SEC16A: variants seen among roughly 807,000 people sequenced by gnomAD.
SEC16A encodes SEC16 homolog A, endoplasmic reticulum export factor.
Under a neutral mutation model 221.9 loss-of-function variants are expected in SEC16A, and 110 were observed. The ratio of observed to expected loss-of-function variants is 0.50; its 90% CI spans 0.42 to 0.58. SEC16A has a LOEUF of 0.58. SEC16A is among the 20% of genes least tolerant of loss of function. SEC16A has a pLI of 0.00. For missense variants in SEC16A, 3,165 were observed against 3,097.8 expected (o/e 1.02, Z -0.52); for synonymous variants, 1,393 against 1,257.7 (o/e 1.11, Z -2.28).
intron 28 of SEC16A, among the ~76,000 whole-genome samples, chr9:136,446,081 C>G (rs1167011038): frequency 6.6e-6 from 1 of 150,402 alleles, no homozygotes; most frequent in South Asian, 2.1e-4. Flanking sequence ...CCTGTCCCAC[C>G]GTACAGAGTG....
intron 30 of SEC16A, among the ~76,000 whole-genome samples, chr9:136,444,502 A>G (rs540630170): frequency 1.2e-4 from 18 of 152,320 alleles, no homozygotes; most frequent in Non-Finnish European, 2.5e-4. Flanking sequence ...GGAAAAACCA[A>G]TTTGGAAAGA....
chr9:136,472,953 C>T (rs1158082940), intron 3 of SEC16A, among the ~76,000 whole-genome samples: 2 of 152,256 alleles, frequency 1.3e-5, no homozygotes, highest in Non-Finnish European at 2.9e-5. Flanking sequence ...CACGGCTTCC[C>T]GTCGCTCTGC....
rs1247351337 is a variant in SEC16A at position 136,462,986 on chromosome 9, G to A, written c.4794C>T (p.Ala1598=). The part of the protein sequence containing the change: ...EQVEEEESGE[A]QLSFLTGGPA... ...GACCACCAGTGAGGAAAGAGAGCTGGGCCTCACCAGACTCCTCCTCTTCCA... is the reference window on the plus strand; with the variant it reads ...GACCACCAGTGAGGAAAGAGAGCTGAGCCTCACCAGACTCCTCCTCTTCCA... The change falls in exon 12 of 32, where the codon GCC becomes GCT. Residue 1598 remains alanine, a synonymous_variant. Coordinates refer to ENST00000684901, the MANE Select transcript of SEC16A (RefSeq NM_014866.2). The A allele has an allele frequency of 2.5e-6, 4 of 1,610,040 alleles. No homozygotes were observed. Among genetic ancestry groups the A allele is most frequent in the East Asian group, 4.5e-5 (2 of 44,882 alleles).
chr9:136,479,582 G>A (rs536978192), intron 1 of SEC16A, among the ~76,000 whole-genome samples: 13 of 152,210 alleles, frequency 8.5e-5, no homozygotes, highest in African/African-American at 3.1e-4. Context: ...TTGATCTCCT[G>A]ACCTCATAAT....
intron 21 of SEC16A, 30 bp from the exon 22 acceptor site, chr9:136,453,540 C>T (rs769173862): frequency 3.8e-6 from 6 of 1,580,706 alleles, no homozygotes; most frequent in Non-Finnish European, 3.5e-6. Context: ...CAACTATGAT[C>T]TCAGTCACGA....
At position 136,447,723 on chromosome 9, in the gene SEC16A, G is replaced by C; in HGVS notation, c.6448-43C>G. 4 of 1,568,318 alleles carry C rather than the reference G, an allele frequency of 2.6e-6. No individual in the cohort carries two copies. Among genetic ancestry groups the C allele is most frequent in the Non-Finnish European group, 3.5e-6 (4 of 1,143,614 alleles). ...GCTTCAGACACCCACTGTGTGCACA[G>C]AAACCCACTGGGATGGCACAGTCAG... is the stretch of plus-strand genomic sequence containing the variant. On this transcript the variant is annotated intron_variant, in intron 25 of 31. Transcript: ENST00000684901. This position sits in a 1 kb window ranked among gnomAD's most constrained non-coding sequence, Gnocchi z 5.5.
At chr9:136,483,765 T>G, upstream of SEC16A, 1 of 985,028 alleles carries the variant, frequency 1.0e-6, no homozygotes, top group Non-Finnish European at 1.2e-6. Flanking sequence ...CTCGCATTCT[T>G]CCGTTGGGCT....
In SEC16A at chr9:136,477,069, C is replaced by T. The variant is rs1472654661; in HGVS notation, c.547G>A (p.Asp183Asn). The T allele has an allele frequency of 3.7e-6, 6 of 1,613,780 alleles. No individual in the cohort carries two copies. The highest frequency in any genetic ancestry group is 2.7e-5 in the African/African-American group (2 of 75,028). Residue 183 changes from aspartate (D) to asparagine (N), a missense_variant, in exon 3 of 32, where the codon GAC (aspartate) becomes AAC (asparagine). Physicochemically the swap from Asp to Asn is conservative, Grantham distance 23. Transcript: ENST00000684901. Reference sequence around the variant, plus strand: ...GGGTTTTGCCTGCTCAGGGGTCGGTCGAGCCCAGGCATGTTCCCATGAGGG... The same window carrying T: ...GGGTTTTGCCTGCTCAGGGGTCGGTTGAGCCCAGGCATGTTCCCATGAGGG... ...GHPHGNMPGL[D>N]RPLSRQNPHD...
intron 1 of SEC16A, among the ~76,000 whole-genome samples, 182 bp from the exon 2 acceptor site, chr9:136,479,012 G>A (rs1045650439): frequency 1.3e-5 from 2 of 152,152 alleles, no homozygotes; most frequent in African/African-American, 4.8e-5. Context: ...AACTGGAGCC[G>A]TAACTGTGCC....
Position 136,457,462 on chromosome 9 carries a change from C to G in SEC16A, c.5532G>C (p.Leu1844Phe), listed in dbSNP as rs756447431. 1 of 1,605,526 alleles carries G rather than the reference C, an allele frequency of 6.2e-7. No homozygotes were observed. Among genetic ancestry groups the G allele is most frequent in the Non-Finnish European group, 8.5e-7 (1 of 1,175,610 alleles). ...LTQPHLYSPV[L>F]ISQLVQMASQ... ...GCAGCACCTGCACAAGCTGGCTGAT[C>G]AACACCGGGGAATACAGGTGCGGCT... Residue 1844 changes from leucine (L) to phenylalanine (F), a missense_variant, in exon 18 of 32, where the codon TTG (leucine) becomes TTC (phenylalanine). By Grantham distance (22) the Leu-to-Phe change is conservative. Coordinates refer to ENST00000684901, the MANE Select transcript of SEC16A (RefSeq NM_014866.2).
At chr9:136,451,524 G>T in intron 22 of SEC16A, 116 bp from the exon 23 acceptor site, 2 of 1,213,822 alleles carry the variant, frequency 1.6e-6, no homozygotes, top group African/African-American at 1.5e-5. Flanking sequence ...GAGGCCGGAT[G>T]ACTCTGGTGA....
Position 136,448,525 on chromosome 9 carries a change from G to T in SEC16A, c.6313-364C>A, listed in dbSNP as rs371828357. The T allele has an allele frequency of 1.2e-4, 84 of 714,294 alleles. No homozygotes were observed. The African/African-American group carries it at 1.3e-3, about 11-fold the overall frequency. The allele number at this position is 714,294 out of a possible 1,614,324, so 44.2% of individuals were successfully genotyped here. A position where few individuals can be genotyped will look rare whatever the true frequency, so the allele number is the denominator to read the frequency against. ...TCCACAGAGACACCAGGAGGATGGA[G>T]GTGGGAGCAGATCCACAGAGACGCC... On this transcript the variant is annotated intron_variant, in intron 23 of 31. Transcript: ENST00000684901.
rs1490547190 is a variant in SEC16A, at chr9:136,447,816, C to T, written c.6447+37G>A. Reference sequence around the variant, plus strand: ...CACATGAGGCTGTTCCCTCCACTCACACCTCACACCCAACAGGAACTAGAA... The same window carrying T: ...CACATGAGGCTGTTCCCTCCACTCATACCTCACACCCAACAGGAACTAGAA... On this transcript the variant is annotated intron_variant, in intron 25 of 31. Transcript: ENST00000684901. The surrounding 1 kb of genome is among the most constrained non-coding windows in gnomAD (Gnocchi z 5.5). 3 of 1,592,344 alleles carry T rather than the reference C, an allele frequency of 1.9e-6. No homozygotes were observed. The highest frequency in any genetic ancestry group is 1.3e-5 in the African/African-American group (1 of 74,682).
At position 136,463,461 on chromosome 9, in the gene SEC16A, A is replaced by T; in HGVS notation, c.4647+2T>A. On this transcript the variant is annotated splice_donor_variant, in intron 11 of 31. Coordinates refer to ENST00000684901, the MANE Select transcript of SEC16A (RefSeq NM_014866.2). LOFTEE classifies it high-confidence loss of function. ...ACACTCTAGAAGTAGAAAGAAACAT[A>T]CCCCATTTTGTCTGCATAAGAGAAC... 6.2e-7 allele frequency: 1 copy of T among 1,612,116 alleles called. No homozygotes were observed. The highest frequency in any genetic ancestry group is 8.5e-7 in the Non-Finnish European group (1 of 1,178,928).
At chr9:136,446,254 C>T (rs117594762) in intron 28 of SEC16A, among the ~76,000 whole-genome samples, 40 of 151,804 alleles carry the variant, frequency 2.6e-4, no homozygotes, top group East Asian at 2.3e-3. Context: ...TACAGGCACC[C>T]GCCACCACAC....
At position 136,440,238 on chromosome 9, in the gene SEC16A, AG is replaced by A. The variant is rs1325761238; in HGVS notation, c.*1516del. 26 of 152,490 alleles carry A rather than the reference AG, an allele frequency of 1.7e-4. No individual in the cohort carries two copies. The highest frequency in any genetic ancestry group is 6.0e-4 in the African/African-American group (25 of 41,586). The allele number at this position is 152,490 out of a possible 1,614,324, so 9.4% of individuals were successfully genotyped here. On this transcript the variant is annotated 3_prime_UTR_variant, in exon 32 of 32. Coordinates refer to ENST00000684901, the MANE Select transcript of SEC16A (RefSeq NM_014866.2). The stretch of plus-strand genomic sequence containing the variant: ...CAGTCGACCCCAGAACAGCGGGCAG[AG>A]CCGACCGGAAGAGGTCCCAGGATTC...
intron 2 of SEC16A, among the ~76,000 whole-genome samples, 168 bp from the exon 3 acceptor site, chr9:136,477,852 G>A (rs376262255): frequency 1.3e-4 from 20 of 152,298 alleles, no homozygotes; most frequent in East Asian, 9.6e-4. Context: ...ACCTGTCCCT[G>A]AGGAACTGTT....
In SEC16A at chr9:136,447,191, G is replaced by T. The variant is rs1445164378; in HGVS notation, c.6697+36C>A. ...GAGGATCAAAGGTCAGGAGACTGGG[G>T]GCTGACCTGGAGGGGCTGGTGCTCG... On this transcript the variant is annotated intron_variant, in intron 27 of 31. Transcript: ENST00000684901. The surrounding 1 kb of genome is among the most constrained non-coding windows in gnomAD (Gnocchi z 5.5). 2.5e-6 allele frequency: 4 copies of T among 1,574,734 alleles called. No individual in the cohort carries two copies. The East Asian group carries it at 7.0e-5, about 27-fold the overall frequency.
In SEC16A at chr9:136,457,483, C is replaced by T. The variant is rs187611173; in HGVS notation, c.5511G>A (p.Pro1837=). 3.2e-5 allele frequency: 51 copies of T among 1,607,914 alleles called. No homozygotes were observed. The highest frequency in any genetic ancestry group is 1.6e-4 in the Middle Eastern group (1 of 6,074). The part of the protein sequence containing the change: ...EAIAKSILTQ[P]HLYSPVLISQ... Reference sequence around the variant, plus strand: ...TGATCAACACCGGGGAATACAGGTGCGGCTGCGTCAGGATGCTCTTCGCGA... The same window carrying T: ...TGATCAACACCGGGGAATACAGGTGTGGCTGCGTCAGGATGCTCTTCGCGA... The change falls in exon 18 of 32, where the codon CCG becomes CCA. Residue 1837 remains proline (P), a synonymous_variant. Transcript: ENST00000684901.
Sources: allele counts gnomAD v4.1 joint callset (sites outside exome capture counted in the v4.1 genomes callset), GRCh38; gene constraint gnomAD v4.1.1; non-coding constraint Gnocchi (gnomAD v3.1); transcripts MANE v1.5; gene names NCBI Gene and HGNC (gene_info 2026-07-23, HGNC 2026-07-21).